The following SKA1 variants were observed in gnomAD, a reference collection of about 807,000 sequenced individuals.
SKA1 encodes the protein spindle and kinetochore associated complex subunit 1.
Under a neutral mutation model 31.8 loss-of-function variants are expected in SKA1, and 20 were observed. That is an observed-to-expected ratio of 0.63 (90% CI 0.44 to 0.91). SKA1 has a LOEUF of 0.91. SKA1 is among the 40% of genes least tolerant of loss of function. SKA1 has a pLI of 0.00. For synonymous variants in SKA1, 88 were observed against 100.5 expected, an observed-to-expected ratio of 0.88 and a Z score of 0.74; for missense variants, 253 against 298.2, an observed-to-expected ratio of 0.85 and a Z score of 1.12.
chr18:50,388,951 C>T (rs918859140), intron 5 of SKA1, among the ~76,000 whole-genome samples: 4 of 152,072 alleles, frequency 2.6e-5, no homozygotes, highest in Non-Finnish European at 5.9e-5. Flanking sequence ...GCAGTTTGTC[C>T]GTTACTATTT....
chr18:50,382,115 C>G lies in SKA1; in HGVS notation c.214-14C>G, dbSNP rs1453217945. ...GAGGACAGAGACTTATTTGTGAGCA[C>G]TTTTAAATTTTAGGAACTCTGTGAA... On this transcript the variant is annotated splice_polypyrimidine_tract_variant and intron_variant, in intron 3 of 6. Transcript: ENST00000285116. 2.1e-6 allele frequency: 3 copies of G among 1,446,990 alleles called. No individual in the cohort carries two copies. The highest frequency in any genetic ancestry group is 3.0e-5 in the African/African-American group (2 of 66,902). The allele number at this position is 1,446,990 out of a possible 1,614,324, so 89.6% of individuals were successfully genotyped here. A position where few individuals can be genotyped will look rare whatever the true frequency, so the allele number is the denominator to read the frequency against.
chr18:50,379,948 A>G (rs1452779723), intron 2 of SKA1, among the ~76,000 whole-genome samples, 178 bp from the exon 3 acceptor site: 7 of 152,176 alleles, frequency 4.6e-5, no homozygotes, highest in African/African-American at 1.7e-4. Context: ...TCTGTTCCAT[A>G]CTACTTAGAA....
rs1429636935 is a variant in SKA1 at position 50,375,814 on chromosome 18, C to T, written c.-11-6C>T. On this transcript the variant is annotated splice_polypyrimidine_tract_variant and splice_region_variant and intron_variant, in intron 1 of 6. Transcript: ENST00000285116. Reference sequence around the variant, plus strand: ...GTTACGAATATGTTTATGTTTTTTTCTTCAGAGGCTTAAAGGATGGCCTCG... The same window carrying T: ...GTTACGAATATGTTTATGTTTTTTTTTTCAGAGGCTTAAAGGATGGCCTCG... 1 of 1,541,932 alleles carries T rather than the reference C, an allele frequency of 6.5e-7. No individual in the cohort carries two copies. The highest frequency in any genetic ancestry group is 8.8e-7 in the Non-Finnish European group (1 of 1,140,552).
chr18:50,379,903 C>T (rs527254772), intron 2 of SKA1, among the ~76,000 whole-genome samples: 8 of 152,150 alleles, frequency 5.3e-5, no homozygotes, highest in Non-Finnish European at 1.0e-4. Context: ...AAACAAAAGA[C>T]GCAGGAGAGA....
At chr18:50,382,320 T>C in intron 4 of SKA1, 94 bp downstream of exon 4, 1 of 695,512 alleles carries the variant, frequency 1.4e-6, no homozygotes, top group Non-Finnish European at 2.3e-6. Context: ...TACTTGCAGT[T>C]TTGTCAGCGA....
At position 50,392,102 on chromosome 18, in the gene SKA1, G is replaced by A. The variant is rs762555246; in HGVS notation, c.623G>A (p.Arg208His). 4.2e-5 allele frequency: 66 copies of A among 1,574,862 alleles called. No homozygotes were observed. Among genetic ancestry groups the A allele is most frequent in the South Asian group, 1.5e-4 (13 of 84,462 alleles). Residue 208 changes from arginine (R) to histidine (H), a missense_variant, in exon 7 of 7, where the codon CGT (arginine) becomes CAT (histidine). Physicochemically the swap from Arg to His is conservative, Grantham distance 29 (BLOSUM62 0). Transcript: ENST00000285116. ...IDEETKDTKG[R>H]YFIVEADIKE... The stretch of plus-strand genomic sequence containing the variant: ...GCACTAATATCTTTATTTTTAGGTC[G>A]TTATTTTATAGTGGAAGCTGACATA...
intron 2 of SKA1, among the ~76,000 whole-genome samples, chr18:50,379,416 C>G (rs958502607): frequency 6.6e-6 from 1 of 152,028 alleles, no homozygotes; most frequent in Admixed American, 6.6e-5. Context: ...ATATGAATTC[C>G]AAATCCATAT....
chr18:50,391,147 A>G lies in SKA1; in HGVS notation c.473A>G (p.Tyr158Cys), dbSNP rs538917067. 25 of 1,565,318 alleles carry G rather than the reference A, an allele frequency of 1.6e-5. No homozygotes were observed. In the East Asian group the frequency reaches 5.7e-4, roughly 36 times the overall value. ...AGGTACATGAAATCCCGCTTAACCT[A>G]TAATCAAATTAATGATGTTATTAAA... ...VPSYMKSRLTYNQINDVIKEI... is the reference protein window; with the variant it reads ...VPSYMKSRLTCNQINDVIKEI... The change falls in exon 6 of 7, where the codon TAT (tyrosine) becomes TGT (cysteine). Residue 158 changes from tyrosine to cysteine, a missense_variant. By Grantham distance (194) the Tyr-to-Cys change is radical (BLOSUM62 -2). Transcript: ENST00000285116.
At chr18:50,383,732 C>G (rs886811777) in intron 4 of SKA1, among the ~76,000 whole-genome samples, 1 of 152,154 alleles carries the variant, frequency 6.6e-6, no homozygotes, top group Non-Finnish European at 1.5e-5. Flanking sequence ...AGAGCAGAAC[C>G]TTTCTGTAGT....
chr18:50,388,379 T>A (rs1244064087), intron 5 of SKA1, among the ~76,000 whole-genome samples: 3 of 152,216 alleles, frequency 2.0e-5, no homozygotes, highest in Non-Finnish European at 2.9e-5. Flanking sequence ...CATGAGCCAC[T>A]GTGCCTGGCC....
At chr18:50,388,266 A>G (rs945148288) in intron 5 of SKA1, among the ~76,000 whole-genome samples, 5 of 151,844 alleles carry the variant, frequency 3.3e-5, no homozygotes, top group Non-Finnish European at 7.4e-5. Flanking sequence ...AATTTTTTGT[A>G]TTTTTAGTAG....
At position 50,385,179 on chromosome 18, in the gene SKA1, A is replaced by C. The variant is rs769506263; in HGVS notation, c.312-37A>C. 1.9e-5 allele frequency: 29 copies of C among 1,525,394 alleles called. No individual in the cohort carries two copies. The African/African-American group carries it at 3.4e-4, about 18-fold the overall frequency. 94.5% of individuals were successfully genotyped at this position (1,525,394 alleles called of 1,614,324 possible). The stretch of plus-strand genomic sequence containing the variant: ...ACTGTCAGTATGCTGCTTATTTCTG[A>C]AAATTGCCTGTATGTATGTACATCT... On this transcript the variant is annotated intron_variant, in intron 4 of 6. Transcript: ENST00000285116.
chr18:50,393,186 A>G lies in SKA1; in HGVS notation c.*939A>G, dbSNP rs2041374172. 6.6e-6 allele frequency: 1 copy of G among 152,218 alleles called. No individual in the cohort carries two copies. The highest frequency in any genetic ancestry group is 1.5e-5 in the Non-Finnish European group (1 of 68,082). The allele number at this position is 152,218 out of a possible 1,614,324, so 9.4% of individuals were successfully genotyped here. A position where few individuals can be genotyped will look rare whatever the true frequency, so the allele number is the denominator to read the frequency against. On this transcript the variant is annotated 3_prime_UTR_variant, in exon 7 of 7. Transcript: ENST00000285116. Reference sequence around the variant, plus strand: ...CAGACCCTAATAAGATTGGGTACAGATCGGCATGCGCCTGTAGTCCCAGCT... The same window carrying G: ...CAGACCCTAATAAGATTGGGTACAGGTCGGCATGCGCCTGTAGTCCCAGCT...
Position 50,393,177 on chromosome 18 carries a change from T to A in SKA1, c.*930T>A, listed in dbSNP as rs2041374044. On this transcript the variant is annotated 3_prime_UTR_variant, in exon 7 of 7. Coordinates refer to ENST00000285116, the MANE Select transcript of SKA1 (RefSeq NM_145060.4). ...ACAATGCTGCAGACCCTAATAAGAT[T>A]GGGTACAGATCGGCATGCGCCTGTA... The A allele has an allele frequency of 6.6e-6, 1 of 152,130 alleles. No homozygotes were observed. Among genetic ancestry groups the A allele is most frequent in the African/African-American group, 2.4e-5 (1 of 41,400 alleles). 9.4% of individuals were successfully genotyped at this position (152,130 alleles called of 1,614,324 possible).
At chr18:50,376,579 A>G (rs2041217555) in intron 2 of SKA1, among the ~76,000 whole-genome samples, 1 of 152,162 alleles carries the variant, frequency 6.6e-6, no homozygotes, top group Non-Finnish European at 1.5e-5. Context: ...AGGGCCTAGG[A>G]CATCACTGTA....
chr18:50,386,586 C>CTTA (rs1236336837), intron 5 of SKA1, among the ~76,000 whole-genome samples: 1 of 152,194 alleles, frequency 6.6e-6, no homozygotes, highest in Non-Finnish European at 1.5e-5. Flanking sequence ...CATCCTTAGT[C>CTTA]TATGTTAGGA....
At chr18:50,384,871 TAAAAAA>T (rs10608403) in intron 4 of SKA1, among the ~76,000 whole-genome samples, 2 of 82,600 alleles carry the variant, frequency 2.4e-5, no homozygotes, top group African/African-American at 1.1e-4. Flanking sequence ...AAAAAAAAAT[TAAAAAA>T]AAAAAAAAAA....
chr18:50,391,316 T>C (rs750216320), intron 6 of SKA1, 23 bp downstream of exon 6: 2 of 1,556,616 alleles, frequency 1.3e-6, no homozygotes, highest in Non-Finnish European at 1.7e-6. Context: ...CATATATGTG[T>C]GTACATGTGA....
At chr18:50,392,046 A>G in intron 6 of SKA1, 53 bp from the exon 7 acceptor site, 2 of 1,391,172 alleles carry the variant, frequency 1.4e-6, no homozygotes, top group Non-Finnish European at 9.6e-7. Context: ...TGTATTAAAG[A>G]CTCTTTTGCA....
Sources: gnomAD v4.1 joint callset for allele counts (sites outside exome capture counted in the v4.1 genomes callset) on GRCh38, gnomAD v4.1.1 for gene constraint, MANE v1.5 for transcripts, NCBI Gene and HGNC (gene_info 2026-07-23, HGNC 2026-07-21) for gene names.